The following PLCL1 variants were observed in gnomAD, a reference collection of about 807,000 sequenced individuals.
PLCL1 encodes the protein inactive phospholipase C-like protein 1.
In PLCL1, 41 loss-of-function variants were observed where a neutral mutation model predicts 84.4. The observed-to-expected ratio is 0.49, with a 90% confidence interval of 0.38 to 0.63. The LOEUF (loss-of-function observed/expected upper bound fraction) is 0.63. Ranked by LOEUF, PLCL1 falls within the 30% of genes least tolerant of loss-of-function variation. The probability of loss-of-function intolerance (pLI) is 0.00; values close to 1 mark genes in which losing one functional copy is unlikely to be tolerated. For missense variants in PLCL1, 1,206 were observed against 1,367.8 expected (o/e 0.88, Z 1.87); for synonymous variants, 490 against 488.3 (o/e 1.00, Z -0.05).
intron 1 of PLCL1, among the ~76,000 whole-genome samples, chr2:197,863,870 G>T (rs938972331): frequency 6.6e-6 from 1 of 152,108 alleles, no homozygotes; most frequent in African/African-American, 2.4e-5. Flanking sequence ...ATACTGCAGA[G>T]CACTTTGATA....
chr2:198,099,456 G>A (rs1693279086), intron 3 of PLCL1, among the ~76,000 whole-genome samples: 1 of 151,988 alleles, frequency 6.6e-6, no homozygotes, highest in African/African-American at 2.4e-5. Flanking sequence ...ATTGAAAGCT[G>A]ACTGCAGAAA....
At chr2:197,971,669 A>G (rs1689869068) in intron 1 of PLCL1, among the ~76,000 whole-genome samples, 2 of 152,244 alleles carry the variant, frequency 1.3e-5, no homozygotes, top group South Asian at 2.1e-4. Context: ...ATGTGCATAG[A>G]AAGATATTAC....
chr2:198,014,628 C>A (rs1198810019), intron 1 of PLCL1, among the ~76,000 whole-genome samples: 3 of 151,862 alleles, frequency 2.0e-5, no homozygotes, highest in African/African-American at 4.8e-5. Context: ...ATATATAATA[C>A]TGAATTTTTT....
At chr2:197,867,924 T>C (rs1267085121) in intron 1 of PLCL1, among the ~76,000 whole-genome samples, 5 of 152,218 alleles carry the variant, frequency 3.3e-5, no homozygotes, top group Non-Finnish European at 7.4e-5. Context: ...CTTGAAGTTA[T>C]ACCTCTTTAA....
chr2:197,844,487 T>C (rs990544024), intron 1 of PLCL1, among the ~76,000 whole-genome samples: 1 of 152,164 alleles, frequency 6.6e-6, no homozygotes, highest in Admixed American at 6.6e-5. Context: ...TGAGTACATA[T>C]ACCATATTCT....
chr2:198,044,136 A>G (rs780945589), intron 1 of PLCL1, among the ~76,000 whole-genome samples: 10 of 152,190 alleles, frequency 6.6e-5, no homozygotes, highest in Admixed American at 1.3e-4. Context: ...TAAGGTACAA[A>G]TGTACTGAGT....
chr2:197,889,870 A>C (rs1410683556), intron 1 of PLCL1, among the ~76,000 whole-genome samples: 1 of 152,174 alleles, frequency 6.6e-6, no homozygotes, highest in Non-Finnish European at 1.5e-5. Flanking sequence ...GTAAAATATT[A>C]ATTGAAATGA....
At chr2:197,899,857 G>C (rs1476729698) in intron 1 of PLCL1, among the ~76,000 whole-genome samples, 2 of 151,736 alleles carry the variant, frequency 1.3e-5, no homozygotes, top group Non-Finnish European at 2.9e-5. Context: ...GGATGGTCTC[G>C]ATCTCCTGAC....
At chr2:197,985,124 G>T (rs1045327228) in intron 1 of PLCL1, among the ~76,000 whole-genome samples, 2 of 152,206 alleles carry the variant, frequency 1.3e-5, no homozygotes, top group South Asian at 2.1e-4. Context: ...TGAATGCTTT[G>T]GTGCAAGCGC....
chr2:197,854,739 G>C (rs1001444453), intron 1 of PLCL1, among the ~76,000 whole-genome samples: 1 of 152,144 alleles, frequency 6.6e-6, no homozygotes. Context: ...GAAAAGGAGG[G>C]AAGATACAAA....
chr2:198,022,189 T>C (rs1229029475), intron 1 of PLCL1, among the ~76,000 whole-genome samples: 2 of 152,280 alleles, frequency 1.3e-5, no homozygotes, highest in Middle Eastern at 3.4e-3. Context: ...CAACACCCCT[T>C]CATGCTAAAA....
intron 1 of PLCL1, among the ~76,000 whole-genome samples, chr2:198,010,595 G>A (rs187886842): frequency 2.1e-4 from 32 of 152,012 alleles, no homozygotes; most frequent in Admixed American, 1.9e-3. Flanking sequence ...GTATTCATCA[G>A]ACATATTGGT....
At chr2:197,860,709 A>T (rs572030347) in intron 1 of PLCL1, among the ~76,000 whole-genome samples, 4 of 152,014 alleles carry the variant, frequency 2.6e-5, no homozygotes, top group Non-Finnish European at 4.4e-5. Flanking sequence ...CCTTTGCTAC[A>T]TTTTAATGGG....
intron 1 of PLCL1, among the ~76,000 whole-genome samples, chr2:198,012,642 T>A (rs1187443649): frequency 6.6e-6 from 1 of 151,926 alleles, no homozygotes; most frequent in African/African-American, 2.4e-5. Context: ...CTTCTCTTGT[T>A]GTCTTCGTGT....
intron 1 of PLCL1, among the ~76,000 whole-genome samples, chr2:197,874,901 T>G (rs963568206): frequency 1.3e-5 from 2 of 152,104 alleles, no homozygotes; most frequent in African/African-American, 4.8e-5. Context: ...TACTATGCAG[T>G]GATGAAAATG....
In PLCL1 at chr2:198,148,410, ATT is replaced by A. The variant is rs1157499901; in HGVS notation, c.*1449_*1450del. On this transcript the variant is annotated 3_prime_UTR_variant, in exon 6 of 6. Coordinates refer to ENST00000428675, the MANE Select transcript of PLCL1 (RefSeq NM_006226.4). ...GAGTAAAGATATGAAAAAAACACTTATTGTTTTCTTTTATTGTGAATTGAAAA... is the reference window on the plus strand; with the variant it reads ...GAGTAAAGATATGAAAAAAACACTTAGTTTTCTTTTATTGTGAATTGAAAA... 1.3e-5 allele frequency: 2 copies of A among 152,268 alleles called. No homozygotes were observed. Among genetic ancestry groups the A allele is most frequent in the Admixed American group, 6.5e-5 (1 of 15,270 alleles). 9.4% of individuals were successfully genotyped at this position (152,268 alleles called of 1,614,324 possible). A position where few individuals can be genotyped will look rare whatever the true frequency, so the allele number is the denominator to read the frequency against.
intron 1 of PLCL1, among the ~76,000 whole-genome samples, chr2:197,948,406 C>T (rs1200164049): frequency 1.3e-5 from 2 of 152,154 alleles, no homozygotes; most frequent in Non-Finnish European, 2.9e-5. Context: ...AGTTGCCTTA[C>T]TCCTTTGACA....
intron 5 of PLCL1, among the ~76,000 whole-genome samples, chr2:198,110,066 A>G (rs960848364): frequency 1.3e-5 from 2 of 151,782 alleles, no homozygotes; most frequent in Non-Finnish European, 2.9e-5. Context: ...ACTTTCATTG[A>G]TTACTTGTTG....
chr2:197,883,535 T>A (rs772488853), intron 1 of PLCL1, among the ~76,000 whole-genome samples: 1 of 152,122 alleles, frequency 6.6e-6, no homozygotes, highest in Non-Finnish European at 1.5e-5. Context: ...AATTAATGGG[T>A]CATGTAAGGG....
Sources: gnomAD v4.1 joint callset for allele counts (sites outside exome capture counted in the v4.1 genomes callset) on GRCh38, gnomAD v4.1.1 for gene constraint, MANE v1.5 for transcripts, NCBI Gene and HGNC (gene_info 2026-07-23, HGNC 2026-07-21) for gene names.